Variants in GSK3B observed in about 807,000 individuals in gnomAD.
GSK3B encodes the protein glycogen synthase kinase-3 beta.
A neutral mutation model predicts 56.4 loss-of-function variants in GSK3B; 15 were observed. The observed-to-expected ratio is 0.27, with a 90% CI of 0.18 to 0.41. The LOEUF is 0.41. Among genes scored for constraint, GSK3B ranks in the 10% least tolerant of loss-of-function variants. The pLI is 1.00. For missense variants in GSK3B, 300 were observed against 513.4 expected, an observed-to-expected ratio of 0.58 and a Z score of 4.02; for synonymous variants, 181 against 188.9, an observed-to-expected ratio of 0.96 and a Z score of 0.34.
intron 7 of GSK3B, among the ~76,000 whole-genome samples, chr3:119,877,146 T>C (rs529050339): frequency 4.9e-4 from 75 of 152,276 alleles, no homozygotes; most frequent in African/African-American, 1.6e-3. Flanking sequence ...AAGATTACCA[T>C]ACTCAAAAAT....
intron 8 of GSK3B, among the ~76,000 whole-genome samples, chr3:119,873,026 C>T (rs2056267732): frequency 6.6e-6 from 1 of 152,136 alleles, no homozygotes; most frequent in Non-Finnish European, 1.5e-5. Flanking sequence ...GTACAGCGTA[C>T]ACCAAGGCAT....
In GSK3B at chr3:119,823,528, A is replaced by C. The variant is rs995371392; in HGVS notation, c.*3260T>G. The C allele has an allele frequency of 7.4e-5, 14 of 188,552 alleles. No homozygotes were observed. The highest frequency in any genetic ancestry group is 2.6e-4 in the African/African-American group (11 of 42,830). The allele number at this position is 188,552 out of a possible 1,614,324, so 11.7% of individuals were successfully genotyped here. ...GAAGTAGATAAAAGAGGAGAGAGAG[A>C]GAGCATGGAAGGCTCCCAGAATCTG... On this transcript the variant is annotated 3_prime_UTR_variant, in exon 11 of 11. Transcript: ENST00000264235.
intron 2 of GSK3B, among the ~76,000 whole-genome samples, chr3:119,977,662 G>A (rs770173511): frequency 2.4e-4 from 37 of 152,110 alleles, no homozygotes; most frequent in Middle Eastern, 3.4e-3. Flanking sequence ...AGTTTCTATC[G>A]GTTTTATCAG....
intron 1 of GSK3B, among the ~76,000 whole-genome samples, chr3:120,071,207 T>TA (rs1216711481): frequency 1.3e-5 from 2 of 152,148 alleles, no homozygotes; most frequent in African/African-American, 4.8e-5. Context: ...ATCGATTAAA[T>TA]AAAAAAACAA....
chr3:120,002,574 G>C (rs776298665), intron 1 of GSK3B, among the ~76,000 whole-genome samples: 1 of 152,082 alleles, frequency 6.6e-6, no homozygotes, highest in Non-Finnish European at 1.5e-5. Context: ...CCTGACCTCA[G>C]GTGATCCGCC....
intron 1 of GSK3B, among the ~76,000 whole-genome samples, chr3:120,026,542 CACACACACACAA>C (rs1241274589): frequency 3.5e-5 from 5 of 143,334 alleles, no homozygotes; most frequent in East Asian, 2.1e-4. Flanking sequence ...CACACACACA[CACACACACACAA>C]ACACACACAC....
At chr3:119,890,157 C>T (rs1335985229) in intron 7 of GSK3B, among the ~76,000 whole-genome samples, 1 of 151,964 alleles carries the variant, frequency 6.6e-6, no homozygotes, top group African/African-American at 2.4e-5. Context: ...GAAATATAAA[C>T]ATATGTCTGC....
intron 1 of GSK3B, among the ~76,000 whole-genome samples, chr3:120,087,399 G>T (rs2058473115): frequency 6.6e-6 from 1 of 152,076 alleles, no homozygotes; most frequent in Non-Finnish European, 1.5e-5. Flanking sequence ...AGGTGTGGTG[G>T]CAGGCACCTG....
chr3:120,014,151 C>CAAAAACA (rs2057804230), intron 1 of GSK3B, among the ~76,000 whole-genome samples: 2 of 141,310 alleles, frequency 1.4e-5, no homozygotes, highest in African/African-American at 5.4e-5. Context: ...AAAAAAAAAG[C>CAAAAACA]AAAAACAAAA....
rs574497155 is a variant in GSK3B at position 120,088,956 on chromosome 3, A to G, written c.88+4391T>C. 2.0e-5 allele frequency among the ~76,000 whole-genome samples: 3 copies of G among 152,390 alleles called. No individual in the cohort carries two copies. In the East Asian group the frequency reaches 5.8e-4, roughly 29 times the overall value. On this transcript the variant is annotated intron_variant, in intron 1 of 10. Coordinates refer to ENST00000264235, the MANE Select transcript of GSK3B (RefSeq NM_001146156.2). ...ATGTTTCACAGCCTTCTCTATGCAT[A>G]AAGTGCACACACAAATAGAGCTCTC...
chr3:120,005,508 T>C (rs1029543265), intron 1 of GSK3B, among the ~76,000 whole-genome samples: 1 of 151,652 alleles, frequency 6.6e-6, no homozygotes, highest in African/African-American at 2.4e-5. Flanking sequence ...AAGGAAAAAA[T>C]GTTAAGGGCA....
At chr3:120,079,305 T>TACACACAC (rs61338597) in intron 1 of GSK3B, among the ~76,000 whole-genome samples, 1 of 128,482 alleles carries the variant, frequency 7.8e-6, no homozygotes. Flanking sequence ...GACAGGAAAT[T>TACACACAC]ACACACACAC....
intron 1 of GSK3B, among the ~76,000 whole-genome samples, chr3:120,030,851 C>T (rs2057969250): frequency 1.3e-5 from 2 of 152,184 alleles, no homozygotes; most frequent in South Asian, 4.1e-4. Flanking sequence ...ATTAGTCAAG[C>T]TATATCTTCT....
chr3:119,940,410 T>C (rs2057037127), intron 3 of GSK3B, among the ~76,000 whole-genome samples: 1 of 152,066 alleles, frequency 6.6e-6, no homozygotes, highest in Admixed American at 6.6e-5. Flanking sequence ...TATAACCATA[T>C]GCACACATAC....
At chr3:119,975,366 G>T (rs185059699) in intron 2 of GSK3B, among the ~76,000 whole-genome samples, 5 of 152,122 alleles carry the variant, frequency 3.3e-5, no homozygotes, top group African/African-American at 1.2e-4. Flanking sequence ...AGAATCGCTT[G>T]AACCTGGGAG....
At chr3:120,087,519 G>A (rs1397036731) in intron 1 of GSK3B, among the ~76,000 whole-genome samples, 8 of 150,432 alleles carry the variant, frequency 5.3e-5, no homozygotes, top group South Asian at 4.2e-4. Context: ...GAAACAGTGC[G>A]AGACTCCATC....
chr3:120,041,490 G>T, intron 1 of GSK3B: 1 of 245,478 alleles, frequency 4.1e-6, no homozygotes, highest in South Asian at 6.5e-5. Context: ...GATCATTGTT[G>T]GCTACCCCAG....
chr3:119,953,843 G>A (rs1035560270), intron 2 of GSK3B, among the ~76,000 whole-genome samples: 10 of 151,948 alleles, frequency 6.6e-5, no homozygotes, highest in Admixed American at 2.0e-4. Flanking sequence ...CCTTTTTAAC[G>A]AGGCCATCAC....
At position 119,923,403 on chromosome 3, in the gene GSK3B, G is replaced by T; in HGVS notation, c.447C>A (p.Ala149=). 6.3e-7 allele frequency: 1 copy of T among 1,595,520 alleles called. No homozygotes were observed. The part of the protein sequence containing the change: ...VYRVARHYSR[A]KQTLPVIYVK... Reference sequence around the variant, plus strand: ...CATAAATCACAGGGAGCGTCTGTTTGGCTCGACTATAGTGTCTGGCAACTC... The same window carrying T: ...CATAAATCACAGGGAGCGTCTGTTTTGCTCGACTATAGTGTCTGGCAACTC... Residue 149 remains alanine (A), a synonymous_variant, in exon 4 of 11, where the codon GCC becomes GCA. Transcript: ENST00000264235.
Sources: allele counts gnomAD v4.1 joint callset (sites outside exome capture counted in the v4.1 genomes callset), GRCh38; gene constraint gnomAD v4.1.1; transcripts MANE v1.5; gene names NCBI Gene and HGNC (gene_info 2026-07-23, HGNC 2026-07-21).